ARHGEF11: variants seen among roughly 807,000 people sequenced by gnomAD.
The protein encoded by ARHGEF11 is Rho guanine exchange factor (GEF) 11.
ARHGEF11 carries 55 observed loss-of-function variants against 193.7 expected under a neutral mutation model. The ratio of observed to expected loss-of-function variants is 0.28; its 90% confidence interval spans 0.23 to 0.36. The LOEUF (loss-of-function observed/expected upper bound fraction) is 0.36, where lower values mean the gene tolerates loss of function less well. Ranked by LOEUF, ARHGEF11 falls within the 10% of genes least tolerant of loss-of-function variation. ARHGEF11 has a pLI of 1.00. For synonymous variants in ARHGEF11, 693 were observed against 768.0 expected, an observed-to-expected ratio of 0.90 and a Z score of 1.62; for missense variants, 1,723 against 2,005.6, an observed-to-expected ratio of 0.86 and a Z score of 2.69.
At chr1:156,986,270 GATA>G in intron 1 of ARHGEF11, 97 bp from the exon 2 acceptor site, 2 of 1,012,720 alleles carry the variant, frequency 2.0e-6, no homozygotes, top group South Asian at 1.5e-5. Context: ...CTGAGTCTTG[GATA>G]ATGAGAGACC....
chr1:157,035,187 C>T (rs1671758048), intron 1 of ARHGEF11, among the ~76,000 whole-genome samples: 1 of 152,056 alleles, frequency 6.6e-6, no homozygotes, highest in African/African-American at 2.4e-5. Context: ...CGCTTAGGCC[C>T]CTCATTTTTA....
rs776926403 is a variant in ARHGEF11 at position 156,939,939 on chromosome 1, C to T, written c.3734-29G>A. The T allele has an allele frequency of 4.4e-6, 7 of 1,595,292 alleles. No homozygotes were observed. The African/African-American group carries it at 8.1e-5, about 18-fold the overall frequency. On this transcript the variant is annotated intron_variant, in intron 36 of 40. Transcript: ENST00000368194. ...GAGGGGAAACAGGGTGATGTCTTCC[C>T]AGCATGGGACTGCACACCACGCCAG...
Position 156,968,093 on chromosome 1 carries a change from T to G in ARHGEF11, c.857A>C (p.Asp286Ala). The G allele has an allele frequency of 6.2e-7, 1 of 1,613,456 alleles. No individual in the cohort carries two copies. Among genetic ancestry groups the G allele is most frequent in the South Asian group, 1.1e-5 (1 of 91,036 alleles). ...GGTTCGAGGACTGTCTAGCCCAGGG[T>G]CTGACAGTACCGAGTTCCGATTCAT... ...SLMNRNSVLS[D>A]PGLDSPRTSP... Residue 286 changes from aspartate (D) to alanine (A), a missense_variant, in exon 11 of 41, where the codon GAC becomes GCC. By Grantham distance (126) the Asp-to-Ala change is moderately radical. Transcript: ENST00000368194.
In ARHGEF11 at chr1:156,955,614, G is replaced by A. The variant is rs529785981; in HGVS notation, c.1768+89C>T. The A allele has an allele frequency of 8.7e-6, 9 of 1,035,026 alleles. No homozygotes were observed. In the Admixed American group the frequency reaches 1.1e-4, roughly 12 times the overall value. The allele number at this position is 1,035,026 out of a possible 1,614,324, so 64.1% of individuals were successfully genotyped here. ...TGGGCCTGTGGCTCCCAGAAACACA[G>A]GAAGGCCCTCTGCCAACATACTGGT... On this transcript the variant is annotated intron_variant, in intron 20 of 40. Coordinates refer to ENST00000368194, the MANE Select transcript of ARHGEF11 (RefSeq NM_198236.3).
chr1:157,003,307 C>T (rs1667422851), intron 1 of ARHGEF11, among the ~76,000 whole-genome samples: 1 of 152,232 alleles, frequency 6.6e-6, no homozygotes, highest in South Asian at 2.1e-4. Flanking sequence ...AGAGAGTCCT[C>T]ACCATCCATT....
rs1390338985 is a variant in ARHGEF11, at chr1:156,956,476, C to A, written c.1615G>T (p.Ala539Ser). The A allele has an allele frequency of 3.1e-6, 5 of 1,614,076 alleles. No homozygotes were observed. Among genetic ancestry groups the A allele is most frequent in the Non-Finnish European group, 4.2e-6 (5 of 1,180,032 alleles). The change falls in exon 19 of 41, where the codon GCC becomes TCC. Residue 539 changes from alanine (A) to serine (S), a missense_variant. Physicochemically the swap from Ala to Ser is moderately conservative, Grantham distance 99 (BLOSUM62 1). Transcript: ENST00000368194. The part of the protein sequence containing the change: ...EARPSNTAEK[A>S]QSAPDKDKWL... Reference sequence around the variant, plus strand: ...TTGTCCTTGTCAGGAGCAGACTGGGCCTTTTCAGCTGTGTTGGAAGGTCGT... The same window carrying A: ...TTGTCCTTGTCAGGAGCAGACTGGGACTTTTCAGCTGTGTTGGAAGGTCGT...
rs373532798 is a variant in ARHGEF11, at chr1:156,971,756, C to T, written c.643G>A (p.Ala215Thr). ...TGTAACTGAGTGACTCGCCGCCGGG[C>T]ACCTTCGATCTGCTCTTCCAGTAGG... ...ASLLEEQIEG[A>T]RRRVTQLQLK... Residue 215 changes from alanine (A) to threonine (T), a missense_variant, in exon 8 of 41, where the codon GCC becomes ACC. Physicochemically the swap from Ala to Thr is moderately conservative, Grantham distance 58 (BLOSUM62 0). This residue lies in a region of ARHGEF11 where 646 missense variants were observed against 710.7 expected (regional missense o/e 0.91). Coordinates refer to ENST00000368194, the MANE Select transcript of ARHGEF11 (RefSeq NM_198236.3). The T allele has an allele frequency of 1.2e-6, 2 of 1,613,900 alleles. No homozygotes were observed. Among genetic ancestry groups the T allele is most frequent in the Non-Finnish European group, 8.5e-7 (1 of 1,180,032 alleles).
At chr1:156,938,764 T>C (rs1656098041) in intron 37 of ARHGEF11, 4 of 457,260 alleles carry the variant, frequency 8.7e-6, no homozygotes, top group Non-Finnish European at 1.5e-5. Context: ...CTTGGGCAGA[T>C]GGAATGAAAA....
At chr1:156,983,454 C>T (rs1276278867) in intron 3 of ARHGEF11, among the ~76,000 whole-genome samples, 1 of 152,206 alleles carries the variant, frequency 6.6e-6, no homozygotes, top group Non-Finnish European at 1.5e-5. Context: ...GATCTCCTGA[C>T]CTCGTGATCC....
At chr1:157,017,039 A>G (rs923918188) in intron 1 of ARHGEF11, among the ~76,000 whole-genome samples, 3 of 152,220 alleles carry the variant, frequency 2.0e-5, no homozygotes, top group African/African-American at 7.2e-5. Flanking sequence ...AAAAGAAAAT[A>G]GGAAGGAGAA....
intron 1 of ARHGEF11, among the ~76,000 whole-genome samples, chr1:157,001,815 G>T (rs16837947): frequency 0.2 from 29,680 of 152,070 alleles, 3,042 homozygotes; most frequent in East Asian, 0.33. Context: ...ACAGTGAAAC[G>T]GGTGTTAGGA....
At chr1:157,024,659 G>A (rs1670427726) in intron 1 of ARHGEF11, among the ~76,000 whole-genome samples, 1 of 151,798 alleles carries the variant, frequency 6.6e-6, no homozygotes, top group African/African-American at 2.4e-5. Context: ...CTTGACTTGA[G>A]GGTCCATTTA....
chr1:156,979,837 G>A (rs1276774377), intron 4 of ARHGEF11, among the ~76,000 whole-genome samples: 3 of 152,172 alleles, frequency 2.0e-5, no homozygotes, highest in Admixed American at 2.0e-4. Flanking sequence ...TCCTTAATTT[G>A]TTCATTCATT....
chr1:156,992,601 A>ATG (rs1461225695), intron 1 of ARHGEF11, among the ~76,000 whole-genome samples: 1 of 123,836 alleles, frequency 8.1e-6, no homozygotes, highest in Non-Finnish European at 1.7e-5. Context: ...ATGTGTATAT[A>ATG]TATGTGTGTG....
intron 8 of ARHGEF11, 99 bp from the exon 9 acceptor site, chr1:156,970,142 C>T (rs1662309511): frequency 1.0e-6 from 1 of 1,001,076 alleles, no homozygotes; most frequent in South Asian, 1.4e-5. Context: ...CAATTAGTGG[C>T]CTCTTCCGCT....
chr1:156,960,636 T>C (rs1660692904), intron 14 of ARHGEF11, among the ~76,000 whole-genome samples, 176 bp from the exon 15 acceptor site: 1 of 152,196 alleles, frequency 6.6e-6, no homozygotes, highest in Admixed American at 6.5e-5. Context: ...CTAGGGTTTT[T>C]GGGAAATGGA....
At chr1:156,944,998 G>A in intron 30 of ARHGEF11, 21 bp downstream of exon 30, 1 of 1,609,730 alleles carries the variant, frequency 6.2e-7, no homozygotes, top group Non-Finnish European at 8.5e-7. Context: ...GGGGTTGACT[G>A]CTGCAGCCTC....
chr1:156,987,675 G>A (rs1031931893), intron 1 of ARHGEF11, among the ~76,000 whole-genome samples: 2 of 152,150 alleles, frequency 1.3e-5, no homozygotes, highest in African/African-American at 4.8e-5. Flanking sequence ...AAAGGAGTGG[G>A]TCTTCGTTCC....
At chr1:157,028,015 T>C (rs1670855953) in intron 1 of ARHGEF11, among the ~76,000 whole-genome samples, 2 of 152,108 alleles carry the variant, frequency 1.3e-5, no homozygotes. Flanking sequence ...AGTGAAGAAG[T>C]CTCTGGAAGC....
Sources: gnomAD v4.1 joint callset for allele counts (sites outside exome capture counted in the v4.1 genomes callset) on GRCh38, gnomAD v4.1.1 for gene constraint, gnomAD v4.1.1 regional missense constraint, MANE v1.5 for transcripts, NCBI Gene and HGNC (gene_info 2026-07-23, HGNC 2026-07-21) for gene names.